Variants in PTGR1 observed in about 807,000 individuals in gnomAD.
The protein encoded by PTGR1 is prostaglandin reductase 1.
Under a neutral mutation model 37.7 loss-of-function variants are expected in PTGR1, and 23 were observed. The observed-to-expected ratio is 0.61, with a 90% CI of 0.44 to 0.86. The LOEUF (loss-of-function observed/expected upper bound fraction) is 0.86, where lower values mean the gene tolerates loss of function less well. Ranked by LOEUF, PTGR1 falls within the 40% of genes least tolerant of loss-of-function variation. PTGR1 has a pLI of 0.00. For synonymous variants in PTGR1, 134 were observed against 140.0 expected (o/e 0.96, Z 0.30); for missense variants, 351 against 394.3 (o/e 0.89, Z 0.93).
At chr9:111,552,401 T>C (rs1400540660) in intron 9 of PTGR1, among the ~76,000 whole-genome samples, 1 of 152,136 alleles carries the variant, frequency 6.6e-6, no homozygotes, top group Non-Finnish European at 1.5e-5. Flanking sequence ...CTTCAGAAAA[T>C]TGAACACAAA....
In PTGR1 at chr9:111,594,260, C is replaced by G. The variant is rs1318272088; in HGVS notation, c.114G>C (p.Leu38=). ...CCACGGTGAGGAACAAAGCTTCAAG[C>G]AGGACCTCTACAAAATAAAGCATTC... ...ELPPLKNGEV[L]LEALFLTVDP... The change falls in exon 3 of 10, where the codon CTG becomes CTC. Residue 38 remains leucine (L), a synonymous_variant. Coordinates refer to ENST00000407693, the MANE Select transcript of PTGR1 (RefSeq NM_001146108.2). 1.1e-5 allele frequency: 18 copies of G among 1,613,374 alleles called. No homozygotes were observed. Among genetic ancestry groups the G allele is most frequent in the Non-Finnish European group, 1.4e-5 (17 of 1,179,538 alleles).
intron 9 of PTGR1, chr9:111,563,868 G>C (rs1828426705): frequency 6.6e-6 from 1 of 152,440 alleles, no homozygotes; most frequent in African/African-American, 2.4e-5. Context: ...TCTCAGAGGA[G>C]GTACAAATAG....
At chr9:111,565,053 G>A (rs1035218890) in intron 9 of PTGR1, among the ~76,000 whole-genome samples, 2 of 152,164 alleles carry the variant, frequency 1.3e-5, no homozygotes, top group African/African-American at 2.4e-5. Context: ...GAACCCGGCA[G>A]GCGGAGGTTG....
chr9:111,579,094 G>T, intron 6 of PTGR1, 143 bp from the exon 7 acceptor site: 1 of 757,538 alleles, frequency 1.3e-6, no homozygotes, highest in Non-Finnish European at 2.0e-6. Context: ...ACCATAATGG[G>T]CCAACAGATC....
intron 4 of PTGR1, among the ~76,000 whole-genome samples, chr9:111,586,402 T>C (rs1488203762): frequency 6.6e-6 from 1 of 152,130 alleles, no homozygotes; most frequent in East Asian, 1.9e-4. Context: ...GGAGCGCCTG[T>C]TCTCACCCAC....
Position 111,597,196 on chromosome 9 carries a change from G to T in PTGR1, c.106+121C>A, listed in dbSNP as rs541137069. On this transcript the variant is annotated intron_variant, in intron 2 of 9. Transcript: ENST00000407693. ...ACTCAGCCCAAATTGCCAACCCAAA[G>T]AATTGTGAACTAATAAACCGTTGTT... 1.3e-5 allele frequency: 10 copies of T among 760,656 alleles called. No individual in the cohort carries two copies. In the African/African-American group the frequency reaches 1.7e-4, roughly 13 times the overall value. The allele number at this position is 760,656 out of a possible 1,614,324, so 47.1% of individuals were successfully genotyped here. A position where few individuals can be genotyped will look rare whatever the true frequency, so the allele number is the denominator to read the frequency against.
At chr9:111,593,926 T>C (rs1449155612) in intron 3 of PTGR1, among the ~76,000 whole-genome samples, 1 of 151,638 alleles carries the variant, frequency 6.6e-6, no homozygotes, top group East Asian at 1.9e-4. Context: ...TAAGGTTTTT[T>C]TTTTCCTTCT....
intron 9 of PTGR1, among the ~76,000 whole-genome samples, chr9:111,566,631 G>A (rs1828573321): frequency 6.6e-6 from 1 of 152,148 alleles, no homozygotes; most frequent in Admixed American, 6.6e-5. Context: ...TTTGCTACTT[G>A]GGACCTGGAA....
At chr9:111,551,273 A>G (rs1443087143) in intron 9 of PTGR1, among the ~76,000 whole-genome samples, 1 of 152,226 alleles carries the variant, frequency 6.6e-6, no homozygotes, top group Non-Finnish European at 1.5e-5. Flanking sequence ...TTTGTAATAC[A>G]TAACTCACAT....
In PTGR1 at chr9:111,550,875, T is replaced by C. The variant is rs113827088; in HGVS notation, c.880-1076A>G. The stretch of plus-strand genomic sequence containing the variant: ...TTAATTATAGTGTCTTTCTGTGTTA[T>C]TCTGCTCCCTGCATTATCCCTGTTT... On this transcript the variant is annotated intron_variant, in intron 9 of 9. Transcript: ENST00000538962. Among the ~76,000 whole-genome samples the C allele has an allele frequency of 4.2e-3, 635 of 152,364 alleles. 6 individuals carry two copies. The highest frequency in any genetic ancestry group is 0.015 in the African/African-American group (610 of 41,578).
chr9:111,555,001 C>T (rs1341719689), intron 9 of PTGR1, among the ~76,000 whole-genome samples: 2 of 152,110 alleles, frequency 1.3e-5, no homozygotes, highest in African/African-American at 2.4e-5. Flanking sequence ...TCTTTAATTT[C>T]CCCAGAGAAG....
At chr9:111,566,072 G>A (rs1156996425) in intron 9 of PTGR1, among the ~76,000 whole-genome samples, 5 of 151,934 alleles carry the variant, frequency 3.3e-5, no homozygotes, top group South Asian at 2.1e-4. Flanking sequence ...GAATGGTGGC[G>A]GGCACCTGTA....
chr9:111,571,242 T>C (rs1828807479), intron 8 of PTGR1, among the ~76,000 whole-genome samples: 1 of 148,842 alleles, frequency 6.7e-6, no homozygotes, highest in Non-Finnish European at 1.5e-5. Context: ...TGAAACCCTG[T>C]CTCTACTAAA....
intron 6 of PTGR1, among the ~76,000 whole-genome samples, chr9:111,581,265 C>A (rs533504222): frequency 2.0e-5 from 3 of 152,152 alleles, no homozygotes; most frequent in African/African-American, 7.2e-5. Flanking sequence ...AGAGAGCATA[C>A]AAGAATAGTC....
chr9:111,553,639 G>C (rs1828036979), intron 9 of PTGR1, among the ~76,000 whole-genome samples: 1 of 152,220 alleles, frequency 6.6e-6, no homozygotes, highest in South Asian at 2.1e-4. Context: ...GCACGTTCCT[G>C]TACAAGCATT....
intron 7 of PTGR1, among the ~76,000 whole-genome samples, chr9:111,576,042 C>T (rs932135871): frequency 1.3e-5 from 2 of 151,844 alleles, no homozygotes; most frequent in African/African-American, 2.4e-5. Context: ...TGTCTGTGGT[C>T]CCAGCTACTT....
intron 4 of PTGR1, among the ~76,000 whole-genome samples, chr9:111,586,527 G>T (rs538481037): frequency 6.6e-6 from 1 of 151,972 alleles, no homozygotes; most frequent in Non-Finnish European, 1.5e-5. Flanking sequence ...TTCCAGAATC[G>T]TTGAGATTTT....
chr9:111,566,783 G>T (rs1251722852), intron 9 of PTGR1, among the ~76,000 whole-genome samples: 1 of 152,108 alleles, frequency 6.6e-6, no homozygotes, highest in Non-Finnish European at 1.5e-5. Context: ...CTTCATGGAG[G>T]TTACATCCTC....
At chr9:111,554,752 T>G (rs988866907) in intron 9 of PTGR1, among the ~76,000 whole-genome samples, 1 of 152,180 alleles carries the variant, frequency 6.6e-6, no homozygotes, top group Non-Finnish European at 1.5e-5. Context: ...CTATTTAAAA[T>G]TTTGGGGCCA....
Sources: gnomAD v4.1 joint callset for allele counts (sites outside exome capture counted in the v4.1 genomes callset) on GRCh38, gnomAD v4.1.1 for gene constraint, MANE v1.5 for transcripts, NCBI Gene and HGNC (gene_info 2026-07-23, HGNC 2026-07-21) for gene names.